Variants in HRC observed in about 807,000 individuals in gnomAD.
The protein encoded by HRC is sarcoplasmic reticulum histidine-rich calcium-binding protein.
Under a neutral mutation model 61.4 loss-of-function variants are expected in HRC, and 41 were observed. The ratio of observed to expected loss-of-function variants is 0.67; its 90% CI spans 0.52 to 0.87. The LOEUF is 0.87. Among genes scored for constraint, HRC ranks in the 40% least tolerant of loss-of-function variants. The probability of loss-of-function intolerance (pLI) is 0.00; values close to 1 mark genes in which losing one functional copy is unlikely to be tolerated. For missense variants in HRC, 839 were observed against 885.8 expected, an observed-to-expected ratio of 0.95 and a Z score of 0.67; for synonymous variants, 308 against 326.6, an observed-to-expected ratio of 0.94 and a Z score of 0.62.
In HRC at chr19:49,154,452, G is replaced by A; in HGVS notation, c.786C>T (p.Val262=). 6.4e-7 allele frequency: 1 copy of A among 1,560,146 alleles called. No individual in the cohort carries two copies. The highest frequency in any genetic ancestry group is 8.7e-7 in the Non-Finnish European group (1 of 1,147,650). The change falls in exon 1 of 6, where the codon GTC becomes GTT. Residue 262 remains valine (V), a synonymous_variant. Coordinates refer to ENST00000252825, the MANE Select transcript of HRC (RefSeq NM_002152.3). ...GAGCCTGGTGTCTATATTCAATGGAGACATCATCATCATCATCATCATCAT... is the reference window on the plus strand; with the variant it reads ...GAGCCTGGTGTCTATATTCAATGGAAACATCATCATCATCATCATCATCAT... The part of the protein sequence containing the change: ...DDDDDDDDDD[V]SIEYRHQAHR...
chr19:49,155,024 TG>T lies in HRC; in HGVS notation c.213del (p.Asn71LysfsTer304). ...LHSPRDHPDENKDVSTENGHH... is the reference protein window; with the variant it reads ...LHSPRDHPDEXKDVSTENGHH... ...TGCCCATTCTCTGTGGAAACATCCT[TG>T]TTCTCATCTGGATGGTCTCTAGGGC... On this transcript the variant is annotated frameshift_variant, in exon 1 of 6. Transcript: ENST00000252825. LOFTEE classifies it high-confidence loss of function. This position sits in a 1 kb window ranked among gnomAD's most constrained non-coding sequence, Gnocchi z 4.7. The T allele has an allele frequency of 6.2e-7, 1 of 1,614,186 alleles. No homozygotes were observed. Among genetic ancestry groups the T allele is most frequent in the Non-Finnish European group, 8.5e-7 (1 of 1,180,022 alleles).
chr19:49,152,544 T>C (rs1202832474), intron 2 of HRC, among the ~76,000 whole-genome samples, 166 bp from the exon 3 acceptor site: 2 of 118,548 alleles, frequency 1.7e-5, no homozygotes, highest in African/African-American at 6.5e-5. Flanking sequence ...TCCCCTCCCC[T>C]GCCCCTGGTT....
In HRC at chr19:49,154,538, G is replaced by C. The variant is rs753259275; in HGVS notation, c.700C>G (p.His234Asp). Residue 234 changes from histidine to aspartate, a missense_variant, in exon 1 of 6, where the codon CAT (histidine) becomes GAT (aspartate). By Grantham distance (81) the His-to-Asp change is moderately conservative. Coordinates refer to ENST00000252825, the MANE Select transcript of HRC (RefSeq NM_002152.3). Reference protein sequence around the residue: ...DEDVSDGHHHHGPSHRHQGHE... With the variant: ...DEDVSDGHHHDGPSHRHQGHE... ...CCTTGGTGCCTGTGGCTGGGGCCATGATGATGGTGTCCATCTGAGACATCC... is the reference window on the plus strand; with the variant it reads ...CCTTGGTGCCTGTGGCTGGGGCCATCATGATGGTGTCCATCTGAGACATCC... The C allele has an allele frequency of 1.0e-4, 168 of 1,612,684 alleles. 3 individuals carry two copies. In the South Asian group the frequency reaches 1.8e-3, roughly 17 times the overall value.
At position 49,153,198 on chromosome 19, in the gene HRC, C is replaced by A; in HGVS notation, c.1902+63G>T. ...GCTCTGAGCCCTCCCACAGCACCAC[C>A]CCAGGGCCCCTGGGACAGATTCTGG... On this transcript the variant is annotated intron_variant, in intron 2 of 5. Coordinates refer to ENST00000252825, the MANE Select transcript of HRC (RefSeq NM_002152.3). This position sits in a 1 kb window ranked among gnomAD's most constrained non-coding sequence, Gnocchi z 4.8. The A allele has an allele frequency of 7.5e-7, 1 of 1,335,400 alleles. No homozygotes were observed. The highest frequency in any genetic ancestry group is 1.2e-5 in the South Asian group (1 of 83,850). The allele number at this position is 1,335,400 out of a possible 1,614,324, so 82.7% of individuals were successfully genotyped here. A position where few individuals can be genotyped will look rare whatever the true frequency, so the allele number is the denominator to read the frequency against.
rs2122693033 is a variant in HRC, at chr19:49,154,550, C to T, written c.688G>A (p.Gly230Arg). ...GSEEDEDVSD[G>R]HHHHGPSHRH... Reference sequence around the variant, plus strand: ...TGGCTGGGGCCATGATGATGGTGTCCATCTGAGACATCCTCATCCTCTTCA... The same window carrying T: ...TGGCTGGGGCCATGATGATGGTGTCTATCTGAGACATCCTCATCCTCTTCA... Residue 230 changes from glycine to arginine, a missense_variant, in exon 1 of 6, where the codon GGA becomes AGA. Physicochemically the swap from Gly to Arg is moderately radical, Grantham distance 125. Coordinates refer to ENST00000252825, the MANE Select transcript of HRC (RefSeq NM_002152.3). 1 of 1,613,002 alleles carries T rather than the reference C, an allele frequency of 6.2e-7. No individual in the cohort carries two copies. Among genetic ancestry groups the T allele is most frequent in the Non-Finnish European group, 8.5e-7 (1 of 1,179,612 alleles).
At position 49,153,765 on chromosome 19, in the gene HRC, G is replaced by T. The variant is rs775002905; in HGVS notation, c.1473C>A (p.Asp491Glu). The change falls in exon 1 of 6, where the codon GAC becomes GAA. Residue 491 changes from aspartate (D) to glutamate (E), a missense_variant. By Grantham distance (45) the Asp-to-Glu change is conservative. Transcript: ENST00000252825. The surrounding 1 kb of genome is among the most constrained non-coding windows in gnomAD (Gnocchi z 4.8). ...CATCGTCTTCCTCATGGGAGCCGGG[G>T]TCCTCTTCCTTCTCCTTTTCCTCCT... Reference protein sequence around the residue: ...DSEEEKEKEEDPGSHEEDDES... With the variant: ...DSEEEKEKEEEPGSHEEDDES... 1.9e-6 allele frequency: 3 copies of T among 1,614,084 alleles called. No homozygotes were observed. The highest frequency in any genetic ancestry group is 1.7e-5 in the Admixed American group (1 of 60,008).
Position 49,154,691 on chromosome 19 carries a change from G to C in HRC, c.547C>G (p.Arg183Gly). Residue 183 changes from arginine (R) to glycine (G), a missense_variant, in exon 1 of 6, where the codon CGA (arginine) becomes GGA (glycine). Arg to Gly is a moderately radical substitution (Grantham distance 125). Coordinates refer to ENST00000252825, the MANE Select transcript of HRC (RefSeq NM_002152.3). ...HHHHILRHGH[R>G]GHDGEDDEGE... ...TCATCATCTTCCCCATCATGGCCTC[G>C]GTGTCCATGCCTGAGGATATGATGG... 1 of 1,613,560 alleles carries C rather than the reference G, an allele frequency of 6.2e-7. No homozygotes were observed. The highest frequency in any genetic ancestry group is 8.5e-7 in the Non-Finnish European group (1 of 1,179,924).
In HRC at chr19:49,154,886, C is replaced by T. The variant is rs1191524452; in HGVS notation, c.352G>A (p.Val118Ile). The change falls in exon 1 of 6, where the codon GTC becomes ATC. Residue 118 changes from valine to isoleucine, a missense_variant. Coordinates refer to ENST00000252825, the MANE Select transcript of HRC (RefSeq NM_002152.3). ...SQDHKVGDEG[V>I]SGEEVFAEHG... ...TCTGCAAAGACCTCCTCACCTGAGA[C>T]ACCCTCATCTCCGACTTTGTGGTCT... is the stretch of plus-strand genomic sequence containing the variant. 3.1e-6 allele frequency: 5 copies of T among 1,614,118 alleles called. No individual in the cohort carries two copies. The highest frequency in any genetic ancestry group is 4.2e-6 in the Non-Finnish European group (5 of 1,180,052).
rs1418209943 is a variant in HRC at position 49,154,419 on chromosome 19, G to A, written c.819C>T (p.His273=). 5.7e-6 allele frequency: 9 copies of A among 1,588,180 alleles called. No individual in the cohort carries two copies. The highest frequency in any genetic ancestry group is 1.7e-5 in the Admixed American group (1 of 58,878). The part of the protein sequence containing the change: ...SIEYRHQAHR[H]QGHGIEEDED... ...CATCCTCTTCAATCCCGTGGCCTTG[G>A]TGCCTGTGAGCCTGGTGTCTATATT... Residue 273 remains histidine (H), a synonymous_variant, in exon 1 of 6, where the codon CAC becomes CAT. Transcript: ENST00000252825.
chr19:49,154,900 A>G lies in HRC; in HGVS notation c.338T>C (p.Val113Ala). ...LPGHRSQDHK[V>A]GDEGVSGEEV... ...CTCACCTGAGACACCCTCATCTCCG[A>G]CTTTGTGGTCTTGGGACCTGTGGCC... The change falls in exon 1 of 6, where the codon GTC becomes GCC. Residue 113 changes from valine (V) to alanine (A), a missense_variant. By Grantham distance (64) the Val-to-Ala change is moderately conservative. Transcript: ENST00000252825. 1 of 1,613,756 alleles carries G rather than the reference A, an allele frequency of 6.2e-7. No homozygotes were observed. Among genetic ancestry groups the G allele is most frequent in the Non-Finnish European group, 8.5e-7 (1 of 1,179,918 alleles).
Position 49,152,327 on chromosome 19 carries a change from G to A in HRC, c.1954C>T (p.His652Tyr). ...GGTCTCACCTGGCACTGGTCGCAGTGCTCACCCATGTTCTCCTCATCACAG... is the reference window on the plus strand; with the variant it reads ...GGTCTCACCTGGCACTGGTCGCAGTACTCACCCATGTTCTCCTCATCACAG... ...CHCDEENMGE[H>Y]CDQCQHCQFC... The change falls in exon 3 of 6, where the codon CAC becomes TAC. Residue 652 changes from histidine (H) to tyrosine (Y), a missense_variant. Physicochemically the swap from His to Tyr is moderately conservative, Grantham distance 83. Transcript: ENST00000252825. 1 of 1,613,506 alleles carries A rather than the reference G, an allele frequency of 6.2e-7. No individual in the cohort carries two copies. The highest frequency in any genetic ancestry group is 8.5e-7 in the Non-Finnish European group (1 of 1,179,690).
chr19:49,153,739 T>C lies in HRC; in HGVS notation c.1499A>G (p.Glu500Gly), dbSNP rs1213946451. The change falls in exon 1 of 6, where the codon GAA (glutamate) becomes GGA (glycine). Residue 500 changes from glutamate (E) to glycine (G), a missense_variant. Physicochemically the swap from Glu to Gly is moderately conservative, Grantham distance 98 (BLOSUM62 -2). Transcript: ENST00000252825. This position sits in a 1 kb window ranked among gnomAD's most constrained non-coding sequence, Gnocchi z 4.8. ...EDPGSHEEDD[E>G]SSEQGEKGTH... ...GCCTTTCTCTCCCTGCTCTGAACTT[T>C]CATCGTCTTCCTCATGGGAGCCGGG... The C allele has an allele frequency of 1.9e-6, 3 of 1,614,226 alleles. No individual in the cohort carries two copies. The highest frequency in any genetic ancestry group is 2.5e-6 in the Non-Finnish European group (3 of 1,180,042).
rs771924967 is a variant in HRC, at chr19:49,152,388, G to T, written c.1903-10C>A. The T allele has an allele frequency of 1.2e-6, 2 of 1,610,924 alleles. No homozygotes were observed. Among genetic ancestry groups the T allele is most frequent in the East Asian group, 4.5e-5 (2 of 44,878 alleles). Reference sequence around the variant, plus strand: ...CACATTCAGTGCATCGCTGGGGACCGGGGGAGCCTGGTTAGATGGAAACTC... The same window carrying T: ...CACATTCAGTGCATCGCTGGGGACCTGGGGAGCCTGGTTAGATGGAAACTC... On this transcript the variant is annotated splice_polypyrimidine_tract_variant and intron_variant, in intron 2 of 5. Coordinates refer to ENST00000252825, the MANE Select transcript of HRC (RefSeq NM_002152.3).
chr19:49,153,153 A>G lies in HRC; in HGVS notation c.1902+108T>C, dbSNP rs2041377937. 1 of 797,788 alleles carries G rather than the reference A, an allele frequency of 1.3e-6. No homozygotes were observed. Among genetic ancestry groups the G allele is most frequent in the Admixed American group, 2.0e-5 (1 of 50,052 alleles). The allele number at this position is 797,788 out of a possible 1,614,324, so 49.4% of individuals were successfully genotyped here. A position where few individuals can be genotyped will look rare whatever the true frequency, so the allele number is the denominator to read the frequency against. On this transcript the variant is annotated intron_variant, in intron 2 of 5. Coordinates refer to ENST00000252825, the MANE Select transcript of HRC (RefSeq NM_002152.3). The surrounding 1 kb of genome is among the most constrained non-coding windows in gnomAD (Gnocchi z 4.8). ...GCAGAAGGATCTCTTTTCTTTCAGA[A>G]CTGACCCTGGCCTGCCCTTGCTCTG...
rs2041353914 is a variant in HRC at position 49,151,237 on chromosome 19, C to T, written c.*59G>A. 3.6e-6 allele frequency: 5 copies of T among 1,374,818 alleles called. No individual in the cohort carries two copies. 85.2% of individuals were successfully genotyped at this position (1,374,818 alleles called of 1,614,324 possible). ...TTTATTCGGAGAAATAAATATAGCTCGTGGAAAGGGGTTGGAAGGCAGGGG... is the reference window on the plus strand; with the variant it reads ...TTTATTCGGAGAAATAAATATAGCTTGTGGAAAGGGGTTGGAAGGCAGGGG... On this transcript the variant is annotated 3_prime_UTR_variant, in exon 6 of 6. Coordinates refer to ENST00000252825, the MANE Select transcript of HRC (RefSeq NM_002152.3).
At position 49,151,893 on chromosome 19, in the gene HRC, C is replaced by T. The variant is rs1012454879; in HGVS notation, c.2026+111G>A. 1.4e-5 allele frequency: 16 copies of T among 1,107,234 alleles called. No individual in the cohort carries two copies. In the African/African-American group the frequency reaches 2.5e-4, roughly 17 times the overall value. The allele number at this position is 1,107,234 out of a possible 1,614,324, so 68.6% of individuals were successfully genotyped here. On this transcript the variant is annotated intron_variant, in intron 4 of 5. Transcript: ENST00000252825. The stretch of plus-strand genomic sequence containing the variant: ...GCTCAGAGCCTTGGCCACGCCTCCC[C>T]TCTTAGCCCCGCCCCACCAGCCTAC...
chr19:49,154,057 T>C lies in HRC; in HGVS notation c.1181A>G (p.His394Arg), dbSNP rs750795084. ...TVQFGHYVAS[H>R]QPRGHKSDEE... ...ATCACTCTTGTGGCCTCGAGGTTGG[T>C]GGCTTGCAACATAGTGGCCGAACTG... The change falls in exon 1 of 6, where the codon CAC (histidine) becomes CGC (arginine). Residue 394 changes from histidine (H) to arginine (R), a missense_variant. Transcript: ENST00000252825. 6.2e-7 allele frequency: 1 copy of C among 1,614,186 alleles called. No homozygotes were observed. The highest frequency in any genetic ancestry group is 1.1e-5 in the South Asian group (1 of 91,078).
At position 49,155,353 on chromosome 19, in the gene HRC, T is replaced by G; in HGVS notation, c.-116A>C. The G allele has an allele frequency of 2.9e-6, 4 of 1,378,504 alleles. No individual in the cohort carries two copies. Among genetic ancestry groups the G allele is most frequent in the Non-Finnish European group, 3.8e-6 (4 of 1,048,354 alleles). The allele number at this position is 1,378,504 out of a possible 1,614,324, so 85.4% of individuals were successfully genotyped here. A position where few individuals can be genotyped will look rare whatever the true frequency, so the allele number is the denominator to read the frequency against. ...TTTCTCTGTGTCTCTCCTTTGTCCT[T>G]TCGGTCTCTGTCCACCTTCCTCTGG... is the stretch of plus-strand genomic sequence containing the variant. On this transcript the variant is annotated 5_prime_UTR_variant, in exon 1 of 6. Coordinates refer to ENST00000252825, the MANE Select transcript of HRC (RefSeq NM_002152.3). This position sits in a 1 kb window ranked among gnomAD's most constrained non-coding sequence, Gnocchi z 4.7.
At position 49,153,464 on chromosome 19, in the gene HRC, C is replaced by A; in HGVS notation, c.1774G>T (p.Asp592Tyr). The change falls in exon 1 of 6, where the codon GAC (aspartate) becomes TAC (tyrosine). Residue 592 changes from aspartate to tyrosine, a missense_variant. Transcript: ENST00000252825. The surrounding 1 kb of genome is among the most constrained non-coding windows in gnomAD (Gnocchi z 4.8). ...PRFTIIPNPLDRREEAGGASS... is the reference protein window; with the variant it reads ...PRFTIIPNPLYRREEAGGASS... ...GCACCTCCAGCCTCCTCTCTCCTGT[C>A]CAGTGGGTTGGGGATGATGGTGAAG... 6.2e-7 allele frequency: 1 copy of A among 1,600,632 alleles called. No individual in the cohort carries two copies. Among genetic ancestry groups the A allele is most frequent in the South Asian group, 1.1e-5 (1 of 88,464 alleles).
Sources: allele counts gnomAD v4.1 joint callset (sites outside exome capture counted in the v4.1 genomes callset), GRCh38; gene constraint gnomAD v4.1.1; non-coding constraint Gnocchi (gnomAD v3.1); transcripts MANE v1.5; gene names NCBI Gene and HGNC (gene_info 2026-07-23, HGNC 2026-07-21).